RASGRP3: variants seen among roughly 807,000 people sequenced by gnomAD.
RASGRP3 encodes ras guanyl-releasing protein 3.
RASGRP3 carries 54 observed loss-of-function variants against 82.7 expected under a neutral mutation model. That is an observed-to-expected ratio of 0.65 (90% CI 0.52 to 0.82). The LOEUF is 0.82. RASGRP3 is among the 40% of genes least tolerant of loss of function. RASGRP3 has a pLI of 0.00. For synonymous variants in RASGRP3, 309 were observed against 300.5 expected (o/e 1.03, Z -0.29); for missense variants, 861 against 828.9 (o/e 1.04, Z -0.48).
intron 14 of RASGRP3, among the ~76,000 whole-genome samples, chr2:33,551,654 TAA>T (rs1360741742): frequency 6.0e-5 from 9 of 149,994 alleles, no homozygotes; most frequent in Non-Finnish European, 3.0e-5. Flanking sequence ...CTGGGCAATA[TAA>T]AGAGACACCT....
At chr2:33,443,563 A>G (rs1230137637) in intron 1 of RASGRP3, among the ~76,000 whole-genome samples, 1 of 152,084 alleles carries the variant, frequency 6.6e-6, no homozygotes, top group Non-Finnish European at 1.5e-5. Context: ...AAGACTACTT[A>G]CTGCTCTTAC....
At chr2:33,555,748 G>A (rs1483321392) in intron 15 of RASGRP3, among the ~76,000 whole-genome samples, 181 bp downstream of exon 15, 3 of 151,938 alleles carry the variant, frequency 2.0e-5, no homozygotes, top group South Asian at 4.1e-4. Context: ...AGCTAAAATT[G>A]GAATTTTATA....
intron 1 of RASGRP3, among the ~76,000 whole-genome samples, chr2:33,442,165 C>T (rs967134597): frequency 1.3e-5 from 2 of 152,100 alleles, no homozygotes; most frequent in African/African-American, 4.8e-5. Flanking sequence ...ATAGAAATTT[C>T]TTAGCCTGGC....
chr2:33,459,460 A>AT (rs1666234670), intron 2 of RASGRP3, among the ~76,000 whole-genome samples: 1 of 152,152 alleles, frequency 6.6e-6, no homozygotes, highest in African/African-American at 2.4e-5. Flanking sequence ...ATAACTTTGC[A>AT]TTGCTTTTAG....
intron 1 of RASGRP3, among the ~76,000 whole-genome samples, chr2:33,488,719 C>T (rs538869278): frequency 1.3e-5 from 2 of 152,184 alleles, no homozygotes. Context: ...ACCTAGAAAG[C>T]TTTAAAATGT....
At chr2:33,519,419 A>G (rs934266532) in intron 4 of RASGRP3, among the ~76,000 whole-genome samples, 1 of 152,202 alleles carries the variant, frequency 6.6e-6, no homozygotes, top group Non-Finnish European at 1.5e-5. Flanking sequence ...GATCAAGACC[A>G]TCCTGGCTAA....
At chr2:33,537,320 A>ACACCCCCCC (rs771052774) in intron 11 of RASGRP3, among the ~76,000 whole-genome samples, 1 of 33,324 alleles carries the variant, frequency 3.0e-5, no homozygotes, top group Non-Finnish European at 5.6e-5. Context: ...ACACACACAC[A>ACACCCCCCC]CCGCCCCCCC....
rs1047573415 is a variant in RASGRP3 at position 33,520,753 on chromosome 2, C to G, written c.368+69C>G. 34 of 1,580,678 alleles carry G rather than the reference C, an allele frequency of 2.2e-5. No homozygotes were observed. The South Asian group carries it at 3.8e-4, about 18-fold the overall frequency. The stretch of plus-strand genomic sequence containing the variant: ...CTTAGGGGAGGAAGTAGTGATCACC[C>G]CACTTGTTCTGAGTCCATCCCACTC... On this transcript the variant is annotated intron_variant, in intron 6 of 17. Coordinates refer to ENST00000403687, the MANE Select transcript of RASGRP3 (RefSeq NM_001139488.2).
intron 1 of RASGRP3, among the ~76,000 whole-genome samples, chr2:33,440,925 C>T (rs989795049): frequency 6.6e-6 from 1 of 152,132 alleles, no homozygotes; most frequent in Non-Finnish European, 1.5e-5. Context: ...CAAGGTCCCC[C>T]TCTATCACCC....
At chr2:33,490,634 T>C (rs1424146772) in intron 1 of RASGRP3, among the ~76,000 whole-genome samples, 1 of 152,212 alleles carries the variant, frequency 6.6e-6, no homozygotes, top group Non-Finnish European at 1.5e-5. Flanking sequence ...GACCTCTAGA[T>C]GTTGGAAAGC....
intron 2 of RASGRP3, 99 bp from the exon 3 acceptor site, chr2:33,514,911 A>G: frequency 1.9e-6 from 1 of 529,656 alleles, no homozygotes; most frequent in Non-Finnish European, 3.4e-6. Flanking sequence ...ACAAAGATAC[A>G]GTCTATGGAA....
At chr2:33,452,047 T>A (rs1453689969) in intron 2 of RASGRP3, among the ~76,000 whole-genome samples, 1 of 152,154 alleles carries the variant, frequency 6.6e-6, no homozygotes. Flanking sequence ...ATCACTATGT[T>A]CTTTAGATCC....
intron 1 of RASGRP3, among the ~76,000 whole-genome samples, chr2:33,486,322 C>A (rs1668376648): frequency 6.6e-6 from 1 of 152,032 alleles, no homozygotes; most frequent in African/African-American, 2.4e-5. Flanking sequence ...CACCACCAAA[C>A]CCAGCTAATT....
intron 10 of RASGRP3, 113 bp downstream of exon 10, chr2:33,527,525 G>A (rs538983826): frequency 9.0e-7 from 1 of 1,107,430 alleles, no homozygotes; most frequent in South Asian, 1.7e-5. Flanking sequence ...TGGTTTCAGA[G>A]TCAATAGATG....
chr2:33,531,673 C>T (rs939157886), intron 10 of RASGRP3: 1 of 152,242 alleles, frequency 6.6e-6, no homozygotes, highest in Non-Finnish European at 1.5e-5. Context: ...CATGCCCAGG[C>T]TCACACTACT....
At chr2:33,438,665 T>C (rs1665057238) in intron 1 of RASGRP3, among the ~76,000 whole-genome samples, 1 of 152,224 alleles carries the variant, frequency 6.6e-6, no homozygotes, top group Non-Finnish European at 1.5e-5. Flanking sequence ...GATTGTTTTA[T>C]GTATCTACAA....
chr2:33,539,476 C>G (rs1674011964), intron 12 of RASGRP3: 5 of 318,358 alleles, frequency 1.6e-5, no homozygotes, highest in African/African-American at 4.2e-5. Context: ...CCACCTCTGT[C>G]ATTGTCAACA....
At chr2:33,469,375 G>A (rs753820213) in intron 2 of RASGRP3, among the ~76,000 whole-genome samples, 7 of 151,432 alleles carry the variant, frequency 4.6e-5, no homozygotes, top group Non-Finnish European at 7.4e-5. Context: ...TGATTGAAAC[G>A]TTTTCAGGAC....
At chr2:33,452,990 A>G (rs1454799430) in intron 2 of RASGRP3, among the ~76,000 whole-genome samples, 3 of 152,128 alleles carry the variant, frequency 2.0e-5, no homozygotes, top group African/African-American at 7.2e-5. Flanking sequence ...ATAGCAAAGT[A>G]GGGTGTTCAG....
Sources: gnomAD v4.1 joint callset for allele counts (sites outside exome capture counted in the v4.1 genomes callset) on GRCh38, gnomAD v4.1.1 for gene constraint, MANE v1.5 for transcripts, NCBI Gene and HGNC (gene_info 2026-07-23, HGNC 2026-07-21) for gene names.